Variants in DNAH14 observed in about 807,000 individuals in gnomAD.
The protein encoded by DNAH14 is axonemal beta dynein heavy chain 14.
Under a neutral mutation model 520.9 loss-of-function variants are expected in DNAH14, and 478 were observed. That is an observed-to-expected ratio of 0.92 (90% confidence interval 0.85 to 0.99). The LOEUF is 0.99. DNAH14 is among the 50% of genes least tolerant of loss of function. The pLI, the probability that DNAH14 is intolerant of heterozygous loss-of-function variation, is 0.00. For missense variants in DNAH14, 4,831 were observed against 5,234.5 expected, an observed-to-expected ratio of 0.92 and a Z score of 2.38; for synonymous variants, 1,581 against 1,757.2, an observed-to-expected ratio of 0.90 and a Z score of 2.51.
chr1:225,220,549 AC>A (rs1197769672), intron 41 of DNAH14, among the ~76,000 whole-genome samples: 1 of 152,228 alleles, frequency 6.6e-6, no homozygotes, highest in East Asian at 1.9e-4. Context: ...ACTCTTATTG[AC>A]AATTGCTACA....
intron 27 of DNAH14, among the ~76,000 whole-genome samples, chr1:225,140,221 T>C (rs774560020): frequency 6.6e-6 from 1 of 152,202 alleles, no homozygotes; most frequent in Non-Finnish European, 1.5e-5. Context: ...ATTTACCCAA[T>C]GTAAAGCCCA....
intron 23 of DNAH14, among the ~76,000 whole-genome samples, chr1:225,105,836 A>G: frequency 6.6e-6 from 1 of 151,968 alleles, no homozygotes; most frequent in Non-Finnish European, 1.5e-5. Flanking sequence ...TTGACTCTTT[A>G]TCCAATTTGC....
intron 17 of DNAH14, among the ~76,000 whole-genome samples, chr1:225,075,747 C>T (rs919637053): frequency 3.9e-5 from 6 of 152,264 alleles, no homozygotes; most frequent in African/African-American, 1.4e-4. Flanking sequence ...TCTTTAGGGT[C>T]AGGGATGGGT....
chr1:225,168,869 C>A (rs1048553483), intron 36 of DNAH14, among the ~76,000 whole-genome samples: 3 of 152,304 alleles, frequency 2.0e-5, no homozygotes, highest in Non-Finnish European at 4.4e-5. Context: ...GGGTCTCTGA[C>A]CCTCAAGTAG....
intron 3 of DNAH14, among the ~76,000 whole-genome samples, chr1:224,958,504 CAT>C (rs1385035462): frequency 1.3e-5 from 2 of 151,906 alleles, no homozygotes; most frequent in African/African-American, 4.8e-5. Flanking sequence ...TGTGGAAAGA[CAT>C]AATCTAAGCT....
At chr1:225,374,246 G>GTC (rs2095663704) in intron 77 of DNAH14, among the ~76,000 whole-genome samples, 1 of 4,866 alleles carries the variant, frequency 2.1e-4, no homozygotes, top group African/African-American at 8.6e-4. Flanking sequence ...ATATATATTT[G>GTC]TCTATATATA....
intron 10 of DNAH14, among the ~76,000 whole-genome samples, chr1:225,020,073 G>C (rs1335675530): frequency 1.3e-5 from 2 of 152,004 alleles, no homozygotes; most frequent in African/African-American, 4.8e-5. Context: ...ACCAAAAGTT[G>C]ATTCTTCAGA....
intron 5 of DNAH14, 76 bp downstream of exon 5, chr1:224,964,685 A>G: frequency 7.9e-7 from 1 of 1,267,138 alleles, no homozygotes; most frequent in Admixed American, 2.8e-5. Context: ...ATTTCATTTC[A>G]GATATTATGT....
In DNAH14 at chr1:225,382,217, C is replaced by T. The variant is rs138612397; in HGVS notation, c.13077+638C>T. ...AAAACCACAATGAGATACAACTTCACACCTACTAAGATGGAAAGAATTAAA... is the reference window on the plus strand; with the variant it reads ...AAAACCACAATGAGATACAACTTCATACCTACTAAGATGGAAAGAATTAAA... On this transcript the variant is annotated intron_variant, in intron 81 of 85. Transcript: ENST00000682510. 4.6e-5 allele frequency among the ~76,000 whole-genome samples: 7 copies of T among 152,270 alleles called. No individual in the cohort carries two copies. In the East Asian group the frequency reaches 1.3e-3, roughly 29 times the overall value.
At chr1:225,112,658 CTTTATTCTTT>C (rs2076572019) in intron 23 of DNAH14, among the ~76,000 whole-genome samples, 1 of 151,834 alleles carries the variant, frequency 6.6e-6, no homozygotes, top group Admixed American at 6.6e-5. Flanking sequence ...TGTAGTCATG[CTTTATTCTTT>C]TTTATTCTTT....
intron 44 of DNAH14, among the ~76,000 whole-genome samples, chr1:225,257,630 G>A (rs2092785255): frequency 6.6e-6 from 1 of 151,436 alleles, no homozygotes; most frequent in Non-Finnish European, 1.5e-5. Context: ...CCGCCTCCTG[G>A]GTTCAGGCCA....
intron 23 of DNAH14, among the ~76,000 whole-genome samples, chr1:225,101,259 A>C (rs1449750251): frequency 1.3e-5 from 2 of 151,974 alleles, no homozygotes; most frequent in South Asian, 2.1e-4. Flanking sequence ...GTATATATTT[A>C]TGGGGTACAT....
chr1:225,051,780 C>T lies in DNAH14; in HGVS notation c.2409C>T (p.Asn803=), dbSNP rs771123789. ...TACAATCTGTAATTGAAAAAAAGAA[C>T]AAAAATTTATTGGAAGTAAGTATTT... ...TLIQSVIEKK[N]KNLLEVVESS... The change falls in exon 17 of 86, where the codon AAC becomes AAT. Residue 803 remains asparagine (N), a synonymous_variant. Coordinates refer to ENST00000682510, the MANE Select transcript of DNAH14 (RefSeq NM_001367479.1). The T allele has an allele frequency of 3.4e-5, 50 of 1,489,914 alleles. No homozygotes were observed. In the African/African-American group the frequency reaches 6.7e-4, roughly 20 times the overall value. 92.3% of individuals were successfully genotyped at this position (1,489,914 alleles called of 1,614,324 possible). A position where few individuals can be genotyped will look rare whatever the true frequency, so the allele number is the denominator to read the frequency against.
intron 58 of DNAH14, 42 bp from the exon 59 acceptor site, chr1:225,307,419 G>A (rs746434370): frequency 1.5e-6 from 2 of 1,309,576 alleles, no homozygotes; most frequent in Non-Finnish European, 2.1e-6. Flanking sequence ...TTGCTAAATT[G>A]TGTTATATCT....
intron 31 of DNAH14, among the ~76,000 whole-genome samples, chr1:225,148,077 T>C (rs1394325260): frequency 1.3e-5 from 2 of 152,272 alleles, no homozygotes; most frequent in East Asian, 3.9e-4. Flanking sequence ...CTATTGTGAA[T>C]AATGCTGCAA....
At chr1:224,963,661 T>C (rs189646299) in intron 4 of DNAH14, among the ~76,000 whole-genome samples, 391 of 152,222 alleles carry the variant, frequency 2.6e-3, no homozygotes, top group African/African-American at 9.0e-3. Context: ...TATATCTGGG[T>C]CTATGATGTT....
intron 27 of DNAH14, among the ~76,000 whole-genome samples, chr1:225,130,538 GA>G (rs940782163): frequency 6.6e-6 from 1 of 151,442 alleles, no homozygotes; most frequent in Non-Finnish European, 1.5e-5. Flanking sequence ...ATGAAAATTG[GA>G]AATCATCATT....
chr1:225,066,530 A>G (rs929411544), intron 17 of DNAH14, among the ~76,000 whole-genome samples: 5 of 151,914 alleles, frequency 3.3e-5, no homozygotes, highest in African/African-American at 4.8e-5. Flanking sequence ...TTTTGGGGGT[A>G]CAAGTGGTTA....
At chr1:225,130,815 T>TATAATA (rs202010965) in intron 27 of DNAH14, among the ~76,000 whole-genome samples, 2 of 150,280 alleles carry the variant, frequency 1.3e-5, no homozygotes, top group African/African-American at 4.9e-5. Context: ...AAACTTAAAG[T>TATAATA]ATAATAATAA....
Sources: allele counts gnomAD v4.1 joint callset (sites outside exome capture counted in the v4.1 genomes callset), GRCh38; gene constraint gnomAD v4.1.1; transcripts MANE v1.5; gene names NCBI Gene and HGNC (gene_info 2026-07-23, HGNC 2026-07-21).